The following SLC9A9 variants were observed in gnomAD, a reference collection of about 807,000 sequenced individuals.
SLC9A9 encodes the protein sodium/hydrogen exchanger 9.
A neutral mutation model predicts 77.8 loss-of-function variants in SLC9A9; 62 were observed. The ratio of observed to expected loss-of-function variants is 0.80; its 90% CI spans 0.65 to 0.98. The LOEUF (loss-of-function observed/expected upper bound fraction) is 0.98. Among genes scored for constraint, SLC9A9 ranks in the 50% least tolerant of loss-of-function variants. The pLI is 0.00. For synonymous variants in SLC9A9, 320 were observed against 283.5 expected (o/e 1.13, Z -1.29); for missense variants, 775 against 774.9 (o/e 1.00, Z 0.00).
intron 12 of SLC9A9, among the ~76,000 whole-genome samples, chr3:143,416,389 TG>T (rs1442536836): frequency 3.9e-5 from 6 of 152,256 alleles, no homozygotes; most frequent in Admixed American, 3.3e-4. Context: ...TCAATTGATG[TG>T]GCAAACCTCA....
chr3:143,618,616 C>A (rs2108708740), intron 6 of SLC9A9, among the ~76,000 whole-genome samples: 2 of 152,242 alleles, frequency 1.3e-5, no homozygotes, highest in South Asian at 4.2e-4. Context: ...GGCCTTAGGA[C>A]CAACCTGGCA....
At chr3:143,834,853 C>A (rs2009529570) in intron 1 of SLC9A9, among the ~76,000 whole-genome samples, 1 of 152,066 alleles carries the variant, frequency 6.6e-6, no homozygotes. Context: ...ATGTAATATC[C>A]ATGAAAATGT....
chr3:143,267,629 A>T (rs1467493540), intron 15 of SLC9A9, among the ~76,000 whole-genome samples: 1 of 152,196 alleles, frequency 6.6e-6, no homozygotes, highest in African/African-American at 2.4e-5. Flanking sequence ...CTGGGATTAC[A>T]GGCGTCAGCC....
intron 14 of SLC9A9, among the ~76,000 whole-genome samples, chr3:143,321,501 C>T (rs190220617): frequency 1.3e-5 from 2 of 152,266 alleles, no homozygotes; most frequent in African/African-American, 4.8e-5. Context: ...GCATGTTCAC[C>T]CCCATGAATA....
intron 6 of SLC9A9, among the ~76,000 whole-genome samples, chr3:143,587,264 C>G (rs1300506101): frequency 2.0e-5 from 3 of 152,164 alleles, no homozygotes; most frequent in Admixed American, 1.3e-4. Context: ...AAACACAGCT[C>G]CTGACCTCAT....
At chr3:143,375,931 T>G (rs769461485) in intron 13 of SLC9A9, among the ~76,000 whole-genome samples, 7 of 152,146 alleles carry the variant, frequency 4.6e-5, no homozygotes, top group Non-Finnish European at 1.0e-4. Flanking sequence ...TCAGGGCCCT[T>G]GTCTTGTCTA....
At chr3:143,561,855 C>G (rs539011278) in intron 8 of SLC9A9, among the ~76,000 whole-genome samples, 1 of 152,300 alleles carries the variant, frequency 6.6e-6, no homozygotes, top group African/African-American at 2.4e-5. Context: ...GCAACATTTC[C>G]TATTTAACAA....
At chr3:143,332,929 A>G (rs186613504) in intron 14 of SLC9A9, among the ~76,000 whole-genome samples, 4 of 152,334 alleles carry the variant, frequency 2.6e-5, no homozygotes, top group Admixed American at 2.0e-4. Flanking sequence ...TGTATTTTTA[A>G]TCCCCAATTT....
intron 8 of SLC9A9, among the ~76,000 whole-genome samples, chr3:143,571,920 T>C (rs528476261): frequency 6.6e-6 from 1 of 152,362 alleles, no homozygotes; most frequent in Non-Finnish European, 1.5e-5. Context: ...GGTCTTGGTC[T>C]TTGGCAATAG....
chr3:143,557,364 A>G (rs1480110739), intron 8 of SLC9A9, among the ~76,000 whole-genome samples: 1 of 152,174 alleles, frequency 6.6e-6, no homozygotes, highest in Non-Finnish European at 1.5e-5. Context: ...CTAATACAGT[A>G]AATTGGCACC....
At chr3:143,611,467 C>A (rs950225945) in intron 6 of SLC9A9, among the ~76,000 whole-genome samples, 1 of 152,090 alleles carries the variant, frequency 6.6e-6, no homozygotes, top group Non-Finnish European at 1.5e-5. Context: ...ATACCAGACA[C>A]ATTATTGTGA....
intron 9 of SLC9A9, among the ~76,000 whole-genome samples, chr3:143,499,135 T>C (rs1054894955): frequency 6.6e-6 from 1 of 152,236 alleles, no homozygotes; most frequent in African/African-American, 2.4e-5. Flanking sequence ...TTTTCTGAAA[T>C]GACACTTTTG....
intron 14 of SLC9A9, among the ~76,000 whole-genome samples, chr3:143,278,911 T>C (rs1021559339): frequency 6.6e-6 from 1 of 152,312 alleles, no homozygotes; most frequent in Non-Finnish European, 1.5e-5. Context: ...ACTTATTATC[T>C]ACAAGTAGGC....
intron 4 of SLC9A9, among the ~76,000 whole-genome samples, chr3:143,701,290 C>A (rs1198486014): frequency 6.6e-6 from 1 of 152,132 alleles, no homozygotes; most frequent in Non-Finnish European, 1.5e-5. Flanking sequence ...GAAAACATAA[C>A]CTCACCAAGT....
At chr3:143,707,793 T>C (rs1934025979) in intron 4 of SLC9A9, among the ~76,000 whole-genome samples, 1 of 152,188 alleles carries the variant, frequency 6.6e-6, no homozygotes, top group South Asian at 2.1e-4. Context: ...CAGAAAAGAC[T>C]GCAGACAGAA....
intron 14 of SLC9A9, among the ~76,000 whole-genome samples, chr3:143,324,004 T>C (rs765815773): frequency 2.6e-5 from 4 of 152,140 alleles, no homozygotes; most frequent in African/African-American, 4.8e-5. Context: ...GTATACATTT[T>C]CTTTTCCACT....
intron 6 of SLC9A9, among the ~76,000 whole-genome samples, chr3:143,615,709 C>T (rs1232793203): frequency 6.6e-6 from 1 of 152,030 alleles, no homozygotes; most frequent in Non-Finnish European, 1.5e-5. Context: ...GTATTATAAA[C>T]AAATTTATCA....
At chr3:143,555,038 T>G (rs1391721808) in intron 8 of SLC9A9, among the ~76,000 whole-genome samples, 1 of 152,184 alleles carries the variant, frequency 6.6e-6, no homozygotes, top group Non-Finnish European at 1.5e-5. Flanking sequence ...TTTGGCTGTG[T>G]CCCCACCCAA....
intron 14 of SLC9A9, among the ~76,000 whole-genome samples, chr3:143,325,708 G>A (rs1230987223): frequency 6.6e-6 from 1 of 152,192 alleles, no homozygotes; most frequent in African/African-American, 2.4e-5. Flanking sequence ...CAAACCTTTG[G>A]ACCTCATGCT....
Sources: gnomAD v4.1 joint callset for allele counts (sites outside exome capture counted in the v4.1 genomes callset) on GRCh38, gnomAD v4.1.1 for gene constraint, MANE v1.5 for transcripts, NCBI Gene and HGNC (gene_info 2026-07-23, HGNC 2026-07-21) for gene names.